The following SULF1 variants were observed in gnomAD, a reference collection of about 807,000 sequenced individuals.
SULF1 encodes sulfatase 1.
SULF1 carries 46 observed loss-of-function variants against 110.5 expected under a neutral mutation model. That is an observed-to-expected ratio of 0.42 (90% CI 0.33 to 0.53). SULF1 has a LOEUF of 0.53. Ranked by LOEUF, SULF1 falls within the 20% of genes least tolerant of loss-of-function variation. The probability of loss-of-function intolerance (pLI) is 0.12; values close to 1 mark genes in which losing one functional copy is unlikely to be tolerated. For synonymous variants in SULF1, 371 were observed against 387.1 expected, an observed-to-expected ratio of 0.96 and a Z score of 0.49; for missense variants, 941 against 1,094.2, an observed-to-expected ratio of 0.86 and a Z score of 1.98.
upstream of SULF1, among the ~76,000 whole-genome samples, chr8:69,492,347 G>T (rs769715743): frequency 6.6e-6 from 1 of 151,552 alleles, no homozygotes; most frequent in Non-Finnish European, 1.5e-5. Flanking sequence ...AAATTAGAGG[G>T]GTCGACAGGG....
intron 5 of SULF1, among the ~76,000 whole-genome samples, chr8:69,573,625 G>A (rs922135178): frequency 3.3e-5 from 5 of 152,132 alleles, no homozygotes; most frequent in Admixed American, 2.6e-4. Context: ...AAGATACTCA[G>A]TAACTAACTA....
chr8:69,626,016 TAC>T (rs1809987065), intron 15 of SULF1: 1 of 152,278 alleles, frequency 6.6e-6, no homozygotes, highest in South Asian at 2.1e-4. Flanking sequence ...AGCAGCTAGA[TAC>T]AGAGTGTCGA....
chr8:69,549,028 CTAT>C (rs1814501741), intron 3 of SULF1, among the ~76,000 whole-genome samples: 2 of 152,212 alleles, frequency 1.3e-5, no homozygotes, highest in South Asian at 4.1e-4. Context: ...GGGCTCGACC[CTAT>C]GGCTTGCTTT....
chr8:69,632,341 G>A (rs1057312788), intron 19 of SULF1, among the ~76,000 whole-genome samples: 2 of 152,036 alleles, frequency 1.3e-5, no homozygotes, highest in African/African-American at 4.8e-5. Context: ...CTTATATCAG[G>A]ATCCTGTACA....
intron 22 of SULF1, among the ~76,000 whole-genome samples, chr8:69,651,333 A>G (rs1812331737): frequency 1.3e-5 from 2 of 152,140 alleles, no homozygotes; most frequent in South Asian, 4.1e-4. Flanking sequence ...GATTACAGGC[A>G]TGAGCCACCG....
chr8:69,522,600 A>T (rs1198654043), intron 3 of SULF1, among the ~76,000 whole-genome samples: 1 of 152,230 alleles, frequency 6.6e-6, no homozygotes, highest in Non-Finnish European at 1.5e-5. Flanking sequence ...GTATGTGAGT[A>T]TAGACAGGGA....
At chr8:69,588,085 C>T (rs1313323685) in intron 7 of SULF1, among the ~76,000 whole-genome samples, 2 of 152,328 alleles carry the variant, frequency 1.3e-5, no homozygotes, top group African/African-American at 4.8e-5. Context: ...ATTGCCTAAA[C>T]ACTTTCTGAA....
chr8:69,640,192 A>G lies in SULF1; in HGVS notation c.2552-616A>G, dbSNP rs200938400. ...GAAAGAAAGAAAGAGAAAAGAAAGAAAGAGAGAGAGAGAGAAAGAGCCTGC... is the reference window on the plus strand; with the variant it reads ...GAAAGAAAGAAAGAGAAAAGAAAGAGAGAGAGAGAGAGAGAAAGAGCCTGC... On this transcript the variant is annotated intron_variant, in intron 21 of 22. Transcript: ENST00000402687. Among the ~76,000 whole-genome samples the G allele has an allele frequency of 6.7e-5, 8 of 119,054 alleles. No individual in the cohort carries two copies. The East Asian group carries it at 1.3e-3, about 19-fold the overall frequency. 78.1% of individuals were successfully genotyped at this position (119,054 alleles called of 152,430 possible).
intron 3 of SULF1, among the ~76,000 whole-genome samples, chr8:69,556,152 T>A (rs1241158206): frequency 6.6e-6 from 1 of 152,060 alleles, no homozygotes; most frequent in African/African-American, 2.4e-5. Flanking sequence ...CACGTGTATG[T>A]GTGTGTGTGG....
At chr8:69,467,669 G>C (rs1260365150) in intron 1 of SULF1, among the ~76,000 whole-genome samples, 4 of 152,224 alleles carry the variant, frequency 2.6e-5, no homozygotes, top group Non-Finnish European at 5.9e-5. Flanking sequence ...AGTTTTACAA[G>C]TCATGGAAAA....
At chr8:69,555,854 C>A (rs901844066) in intron 3 of SULF1, among the ~76,000 whole-genome samples, 2 of 152,020 alleles carry the variant, frequency 1.3e-5, no homozygotes, top group Non-Finnish European at 2.9e-5. Context: ...ATAAATATAC[C>A]ATCTAATTGT....
Position 69,659,262 on chromosome 8 carries a change from C to G in SULF1, c.*727C>G, listed in dbSNP as rs756674187. 6.6e-6 allele frequency: 3 copies of G among 451,162 alleles called. No homozygotes were observed. Among genetic ancestry groups the G allele is most frequent in the South Asian group, 3.1e-5 (2 of 63,504 alleles). 27.9% of individuals were successfully genotyped at this position (451,162 alleles called of 1,614,324 possible). A position where few individuals can be genotyped will look rare whatever the true frequency, so the allele number is the denominator to read the frequency against. ...TGTTGACCAAGGTGGAGAAGAATCA[C>G]GAAAAGGAGAAGTCACAGCACCTAG... On this transcript the variant is annotated 3_prime_UTR_variant, in exon 23 of 23. Coordinates refer to ENST00000402687, the MANE Select transcript of SULF1 (RefSeq NM_001128205.2).
intron 1 of SULF1, among the ~76,000 whole-genome samples, chr8:69,481,131 T>C (rs920710954): frequency 6.6e-6 from 1 of 152,184 alleles, no homozygotes; most frequent in Non-Finnish European, 1.5e-5. Context: ...AAAGCCATTA[T>C]GATTTCCAGA....
intron 3 of SULF1, among the ~76,000 whole-genome samples, chr8:69,526,049 T>G (rs1812639518): frequency 6.6e-6 from 1 of 152,170 alleles, no homozygotes; most frequent in South Asian, 2.1e-4. Context: ...TGATTAGAAG[T>G]TAATAATGAA....
chr8:69,570,587 G>A (rs1012128879), intron 5 of SULF1, among the ~76,000 whole-genome samples: 1 of 152,156 alleles, frequency 6.6e-6, no homozygotes, highest in East Asian at 1.9e-4. Flanking sequence ...TGGGAATCAA[G>A]TAGTTGGAGT....
At chr8:69,636,539 G>GAAAA (rs796254343) in intron 19 of SULF1, among the ~76,000 whole-genome samples, 3 of 144,182 alleles carry the variant, frequency 2.1e-5, no homozygotes, top group African/African-American at 7.6e-5. Flanking sequence ...TCCATCTCAA[G>GAAAA]AAAAAAAAAA....
At chr8:69,656,266 G>T (rs2130752212) in intron 22 of SULF1, among the ~76,000 whole-genome samples, 1 of 152,276 alleles carries the variant, frequency 6.6e-6, no homozygotes. Context: ...TCTTAAGATG[G>T]TTTTTTAAAT....
At chr8:69,624,271 TG>T (rs1400739232) in intron 15 of SULF1, 74 bp downstream of exon 15, 15 of 1,508,698 alleles carry the variant, frequency 9.9e-6, no homozygotes, top group African/African-American at 1.4e-5. Context: ...ATCACCATTT[TG>T]CACTTGGCAA....
At chr8:69,534,078 A>T (rs1237661060) in intron 3 of SULF1, among the ~76,000 whole-genome samples, 1 of 152,222 alleles carries the variant, frequency 6.6e-6, no homozygotes, top group Non-Finnish European at 1.5e-5. Context: ...ATGGTTTGGG[A>T]AAATATTTTG....
Sources: allele counts gnomAD v4.1 joint callset (sites outside exome capture counted in the v4.1 genomes callset), GRCh38; gene constraint gnomAD v4.1.1; transcripts MANE v1.5; gene names NCBI Gene and HGNC (gene_info 2026-07-23, HGNC 2026-07-21).